The following AFG1L variants were observed in gnomAD, a reference collection of about 807,000 sequenced individuals.
AFG1L encodes AFG1 like ATPase.
AFG1L carries 53 observed loss-of-function variants against 62.2 expected under a neutral mutation model. That is an observed-to-expected ratio of 0.85 (90% confidence interval 0.68 to 1.07). AFG1L has a LOEUF of 1.07. Among genes scored for constraint, AFG1L ranks in the 50% least tolerant of loss-of-function variants. The pLI, the probability that AFG1L is intolerant of heterozygous loss-of-function variation, is 0.00. For synonymous variants in AFG1L, 228 were observed against 210.3 expected (o/e 1.08, Z -0.73); for missense variants, 555 against 590.5 (o/e 0.94, Z 0.62).
At chr6:108,443,482 C>T (rs1771631179) in intron 7 of AFG1L, among the ~76,000 whole-genome samples, 1 of 152,204 alleles carries the variant, frequency 6.6e-6, no homozygotes, top group African/African-American at 2.4e-5. Context: ...GGAATATCAA[C>T]ATCACATTGT....
At chr6:108,308,032 G>A (rs575707149) in intron 1 of AFG1L, among the ~76,000 whole-genome samples, 2 of 152,274 alleles carry the variant, frequency 1.3e-5, no homozygotes, top group African/African-American at 4.8e-5. Context: ...TAATCTTGAT[G>A]TAAGTCCTTT....
At chr6:108,429,978 C>T (rs1049518811) in intron 7 of AFG1L, among the ~76,000 whole-genome samples, 2 of 151,918 alleles carry the variant, frequency 1.3e-5, no homozygotes, top group Non-Finnish European at 2.9e-5. Context: ...GATGGAGTCT[C>T]GCTGTGTTGC....
At chr6:108,437,716 C>T (rs1771371982) in intron 7 of AFG1L, among the ~76,000 whole-genome samples, 1 of 152,058 alleles carries the variant, frequency 6.6e-6, no homozygotes, top group Admixed American at 6.6e-5. Context: ...GTATGGCCCC[C>T]AGAAGAGTAA....
intron 1 of AFG1L, chr6:108,319,696 A>G: frequency 2.8e-6 from 1 of 353,918 alleles, no homozygotes; most frequent in Non-Finnish European, 5.6e-6. Context: ...GCAGCCTCCA[A>G]CTTTTGGTTT....
In AFG1L at chr6:108,477,257, G is replaced by A. The variant is rs756443552; in HGVS notation, c.1027G>A (p.Val343Ile). The A allele has an allele frequency of 1.1e-5, 17 of 1,609,112 alleles. No homozygotes were observed. Among genetic ancestry groups the A allele is most frequent in the Middle Eastern group, 1.7e-4 (1 of 6,060 alleles). The change falls in exon 10 of 13, where the codon GTT becomes ATT. Residue 343 changes from valine to isoleucine, a missense_variant. Transcript: ENST00000368977. ...GCGCCTGAATAAAGCCTGTGGAACC[G>A]TTGCCGACTGCACATTTGAAGAGCT... ...ELRLNKACGT[V>I]ADCTFEELCE...
chr6:108,433,566 T>G (rs1447978651), intron 7 of AFG1L, among the ~76,000 whole-genome samples: 1 of 150,268 alleles, frequency 6.7e-6, no homozygotes, highest in Non-Finnish European at 1.5e-5. Flanking sequence ...GGATTACATG[T>G]GTAAACCACC....
intron 7 of AFG1L, among the ~76,000 whole-genome samples, chr6:108,414,705 T>G (rs1452232550): frequency 1.3e-5 from 2 of 152,178 alleles, no homozygotes; most frequent in Non-Finnish European, 2.9e-5. Flanking sequence ...GAAAAGGCCT[T>G]TGACAAAATT....
chr6:108,325,662 T>G (rs1424533070), intron 2 of AFG1L, among the ~76,000 whole-genome samples: 1 of 152,098 alleles, frequency 6.6e-6, no homozygotes, highest in Non-Finnish European at 1.5e-5. Context: ...ATTTTTGTGC[T>G]TTTAGTAGAG....
Position 108,519,690 on chromosome 6 carries a change from AT to A in AFG1L, c.1204-4del. 1 of 1,492,238 alleles carries A rather than the reference AT, an allele frequency of 6.7e-7. No homozygotes were observed. The highest frequency in any genetic ancestry group is 9.3e-7 in the Non-Finnish European group (1 of 1,076,990). The allele number at this position is 1,492,238 out of a possible 1,614,324, so 92.4% of individuals were successfully genotyped here. A position where few individuals can be genotyped will look rare whatever the true frequency, so the allele number is the denominator to read the frequency against. On this transcript the variant is annotated splice_polypyrimidine_tract_variant and splice_region_variant and intron_variant, in intron 11 of 12. Coordinates refer to ENST00000368977, the MANE Select transcript of AFG1L (RefSeq NM_145315.5). Reference sequence around the variant, plus strand: ...GTAACACATTTACCCATTTTCTTCTATTTCAGGTGCGTATAATTTGCTCTGC... The same window carrying A: ...GTAACACATTTACCCATTTTCTTCTATTCAGGTGCGTATAATTTGCTCTGC...
rs147723681 is a variant in AFG1L, at chr6:108,419,497, C to T, written c.807+17443C>T. Among the ~76,000 whole-genome samples the T allele has an allele frequency of 5.4e-3, 824 of 152,206 alleles. 28 individuals carry two copies. The highest frequency in any genetic ancestry group is 0.05 in the Admixed American group (767 of 15,282). On this transcript the variant is annotated intron_variant, in intron 7 of 12. Coordinates refer to ENST00000368977, the MANE Select transcript of AFG1L (RefSeq NM_145315.5). ...GAGAAAAATAATTCCAGCATTAACT[C>T]TTATAAATATGAATTTTCCTTTTCC...
intron 5 of AFG1L, among the ~76,000 whole-genome samples, chr6:108,357,601 G>A (rs184560134): frequency 1.3e-5 from 2 of 152,246 alleles, no homozygotes; most frequent in African/African-American, 4.8e-5. Context: ...AGATGTTTAA[G>A]TATTTTTAAA....
At chr6:108,338,957 G>A (rs747829010) in intron 2 of AFG1L, among the ~76,000 whole-genome samples, 60 of 151,628 alleles carry the variant, frequency 4.0e-4, no homozygotes, top group South Asian at 2.1e-4. Context: ...ATCTCAGCTC[G>A]CCTGTCCCCC....
At chr6:108,437,990 T>TTTGGCTGTGGCTGCAGA (rs1266743434) in intron 7 of AFG1L, among the ~76,000 whole-genome samples, 1 of 152,190 alleles carries the variant, frequency 6.6e-6, no homozygotes, top group Non-Finnish European at 1.5e-5. Context: ...GATGTTTTCT[T>TTTGGCTGTGGCTGCAGA]TTGGCTGTGG....
At chr6:108,301,580 G>A (rs1349988218) in intron 1 of AFG1L, among the ~76,000 whole-genome samples, 2 of 152,172 alleles carry the variant, frequency 1.3e-5, no homozygotes, top group African/African-American at 4.8e-5. Context: ...TCTGACAAAA[G>A]GTGATATCTA....
chr6:108,452,396 G>A (rs2114762496), intron 8 of AFG1L, among the ~76,000 whole-genome samples: 1 of 152,194 alleles, frequency 6.6e-6, no homozygotes, highest in South Asian at 2.1e-4. Flanking sequence ...ACTCACACTT[G>A]CTGTCTCTTT....
At chr6:108,327,959 T>G (rs1026540358) in intron 2 of AFG1L, among the ~76,000 whole-genome samples, 3 of 152,208 alleles carry the variant, frequency 2.0e-5, no homozygotes, top group Non-Finnish European at 4.4e-5. Context: ...AGCATGGCAG[T>G]TGCTCTCAGA....
At chr6:108,402,458 C>A (rs143059395) in intron 7 of AFG1L, among the ~76,000 whole-genome samples, 2 of 132,504 alleles carry the variant, frequency 1.5e-5, no homozygotes, top group Admixed American at 7.6e-5. Context: ...GGCGAGACGC[C>A]GTCTCGAATA....
intron 7 of AFG1L, among the ~76,000 whole-genome samples, chr6:108,414,196 C>T (rs527534358): frequency 7.4e-4 from 112 of 152,278 alleles, no homozygotes; most frequent in Admixed American, 1.9e-3. Context: ...TTCCTGGACA[C>T]ATACACCCTA....
chr6:108,502,323 A>G (rs1457524778), intron 10 of AFG1L, among the ~76,000 whole-genome samples: 2 of 152,118 alleles, frequency 1.3e-5, no homozygotes, highest in Non-Finnish European at 2.9e-5. Context: ...CTGCTGCCTC[A>G]GCCTCCTGAG....
Sources: allele counts gnomAD v4.1 joint callset (sites outside exome capture counted in the v4.1 genomes callset), GRCh38; gene constraint gnomAD v4.1.1; transcripts MANE v1.5; gene names NCBI Gene and HGNC (gene_info 2026-07-23, HGNC 2026-07-21).